The following SYNJ2 variants were observed in gnomAD, a reference collection of about 807,000 sequenced individuals.
The protein encoded by SYNJ2 is polyphosphatidylinositol phosphatase SYNJ2.
In SYNJ2, 116 loss-of-function variants were observed where a neutral mutation model predicts 141.3. That is an observed-to-expected ratio of 0.82 (90% confidence interval 0.71 to 0.96). The LOEUF is 0.96. Ranked by LOEUF, SYNJ2 falls within the 40% of genes least tolerant of loss-of-function variation. SYNJ2 has a pLI of 0.00. For missense variants in SYNJ2, 1,873 were observed against 1,934.8 expected (o/e 0.97, Z 0.60); for synonymous variants, 745 against 777.7 (o/e 0.96, Z 0.70).
chr6:158,030,429 T>C (rs910605861), intron 3 of SYNJ2: 6 of 152,818 alleles, frequency 3.9e-5, no homozygotes, highest in African/African-American at 7.2e-5. Flanking sequence ...GGTTTTCATC[T>C]GGCCTTGGTG....
intron 26 of SYNJ2, among the ~76,000 whole-genome samples, chr6:158,094,286 T>C (rs913940592): frequency 2.0e-5 from 3 of 150,600 alleles, no homozygotes; most frequent in Non-Finnish European, 2.9e-5. Context: ...CCATCGTAAG[T>C]TGAAAAATAG....
intron 9 of SYNJ2, 57 bp downstream of exon 9, chr6:158,063,929 G>A (rs1226189044): frequency 6.3e-7 from 1 of 1,579,384 alleles, no homozygotes; most frequent in Admixed American, 1.7e-5. Flanking sequence ...GACTTCAGCT[G>A]GACAGGCTGG....
At chr6:157,993,797 G>GTTTTTTTTTTT (rs61529071) in intron 1 of SYNJ2, among the ~76,000 whole-genome samples, 1 of 47,944 alleles carries the variant, frequency 2.1e-5, no homozygotes, top group Admixed American at 3.9e-4. Context: ...AAATGTGTGG[G>GTTTTTTTTTTT]TTTTTTTTTT....
Position 158,051,959 on chromosome 6 carries a change from GA to G in SYNJ2, c.796-2998del, listed in dbSNP as rs112721746. Among the ~76,000 whole-genome samples the G allele has an allele frequency of 8.3e-4, 112 of 134,674 alleles. 1 individual carries two copies. Among genetic ancestry groups the G allele is most frequent in the Admixed American group, 2.9e-3 (40 of 13,666 alleles). 88.4% of individuals were successfully genotyped at this position (134,674 alleles called of 152,430 possible). ...CAACAGAGTAAGACCCTGTCTCAAA[GA>G]AAAAAAAAAGAAGAAGAAGAATAAG... On this transcript the variant is annotated intron_variant, in intron 5 of 26. Coordinates refer to ENST00000355585, the MANE Select transcript of SYNJ2 (RefSeq NM_003898.4).
At chr6:158,059,850 C>T (rs779910298) in intron 7 of SYNJ2, among the ~76,000 whole-genome samples, 5 of 152,188 alleles carry the variant, frequency 3.3e-5, no homozygotes, top group Admixed American at 6.5e-5. Flanking sequence ...CCACCGCGCC[C>T]GGCCTAGTGA....
At chr6:158,061,871 T>G (rs1781241406) in intron 7 of SYNJ2, 121 bp from the exon 8 acceptor site, 2 of 1,018,692 alleles carry the variant, frequency 2.0e-6, no homozygotes, top group South Asian at 1.5e-5. Flanking sequence ...AGCTTCCAGC[T>G]AAAGCACGTC....
intron 6 of SYNJ2, among the ~76,000 whole-genome samples, chr6:158,056,526 C>T (rs1178517199): frequency 1.3e-5 from 2 of 152,218 alleles, no homozygotes; most frequent in Non-Finnish European, 2.9e-5. Flanking sequence ...TGCTGCTGCT[C>T]TCATGTTCAT....
intron 5 of SYNJ2, among the ~76,000 whole-genome samples, chr6:158,045,212 G>A (rs1410279402): frequency 3.4e-5 from 5 of 148,068 alleles, no homozygotes; most frequent in Admixed American, 6.9e-5. Context: ...AGTTCAAGCC[G>A]TTCCCCTGCC....
At chr6:158,073,576 A>T (rs1782075896) in intron 15 of SYNJ2, among the ~76,000 whole-genome samples, 1 of 152,204 alleles carries the variant, frequency 6.6e-6, no homozygotes, top group Non-Finnish European at 1.5e-5. Flanking sequence ...ATTAAAATTA[A>T]ATAACATTTA....
rs1780081414 is a variant in SYNJ2, at chr6:158,043,715, T to C, written c.795+316T>C. 6.6e-6 allele frequency among the ~76,000 whole-genome samples: 1 copy of C among 152,172 alleles called. No individual in the cohort carries two copies. The highest frequency in any genetic ancestry group is 1.5e-5 in the Non-Finnish European group (1 of 68,036). On this transcript the variant is annotated intron_variant, in intron 5 of 26. Coordinates refer to ENST00000355585, the MANE Select transcript of SYNJ2 (RefSeq NM_003898.4). This position sits in a 1 kb window ranked among gnomAD's most constrained non-coding sequence, Gnocchi z 4.0. ...GCCGCGAAGTGAGCTTGGGTAGCAC[T>C]GCCTGAGGTTAGACCCTGAGTTCGG... is the stretch of plus-strand genomic sequence containing the variant.
intron 8 of SYNJ2, among the ~76,000 whole-genome samples, chr6:158,063,573 C>T (rs1240833496): frequency 6.9e-6 from 1 of 145,968 alleles, no homozygotes; most frequent in African/African-American, 2.5e-5. Context: ...ACAGGAGAAT[C>T]GCTTGAACCT....
At chr6:157,981,407 T>A (rs117469922), upstream of SYNJ2, among the ~76,000 whole-genome samples, 309 of 152,332 alleles carry the variant, frequency 2.0e-3, no homozygotes, top group Non-Finnish European at 3.5e-3. This position sits in a 1 kb window ranked among gnomAD's most constrained non-coding sequence, Gnocchi z 6.4. Context: ...GGCGCAGTTA[T>A]GACCCCGCTT....
rs138862571 is a variant in SYNJ2, at chr6:158,095,980, G to A, written c.4107G>A (p.Gly1369=). ...ACAATAGCAGTGACAGCCCCTCTGG[G>A]CACCCACCTGCCGCGGGCACCGTCT... is the stretch of plus-strand genomic sequence containing the variant. ...LTYNSSDSPS[G]HPPAAGTVFP... The change falls in exon 27 of 27, where the codon GGG becomes GGA. Residue 1369 remains glycine (G), a synonymous_variant. Coordinates refer to ENST00000355585, the MANE Select transcript of SYNJ2 (RefSeq NM_003898.4). The A allele has an allele frequency of 1.5e-5, 24 of 1,613,998 alleles. No individual in the cohort carries two copies. The highest frequency in any genetic ancestry group is 2.2e-5 in the East Asian group (1 of 44,892).
At chr6:158,041,654 G>T (rs1331385896) in intron 4 of SYNJ2, among the ~76,000 whole-genome samples, 2 of 152,158 alleles carry the variant, frequency 1.3e-5, no homozygotes, top group Admixed American at 1.3e-4. Flanking sequence ...TAGCACTTGG[G>T]GCAGTCAGAG....
chr6:158,067,302 C>T (rs548342841), intron 12 of SYNJ2: 18 of 485,322 alleles, frequency 3.7e-5, no homozygotes, highest in Middle Eastern at 1.1e-3. Flanking sequence ...TACAGGCATG[C>T]GCCACCGCGC....
At chr6:158,063,713 C>T in intron 8 of SYNJ2, 78 bp from the exon 9 acceptor site, 2 of 627,720 alleles carry the variant, frequency 3.2e-6, no homozygotes, top group South Asian at 1.6e-5. Context: ...AGTCAAAAGT[C>T]AGACATGGGC....
chr6:157,981,902 G>T lies in SYNJ2; in HGVS notation c.-60G>T. The T allele has an allele frequency of 3.3e-6, 4 of 1,212,572 alleles. No homozygotes were observed. The highest frequency in any genetic ancestry group is 4.1e-6 in the Non-Finnish European group (4 of 972,880). 75.1% of individuals were successfully genotyped at this position (1,212,572 alleles called of 1,614,324 possible). On this transcript the variant is annotated 5_prime_UTR_variant, in exon 1 of 27. Coordinates refer to ENST00000355585, the MANE Select transcript of SYNJ2 (RefSeq NM_003898.4). The surrounding 1 kb of genome is among the most constrained non-coding windows in gnomAD (Gnocchi z 6.4). The stretch of plus-strand genomic sequence containing the variant: ...TTGCGGGCGCGCGGGGAGCTGTCGC[G>T]GGCAGCGCGCCCTCGGGAGGACGTG...
In SYNJ2 at chr6:158,065,205, T is replaced by A. The variant is rs903122545; in HGVS notation, c.1525+214T>A. On this transcript the variant is annotated intron_variant, in intron 11 of 26. Transcript: ENST00000355585. ...ACGCTTCCTCTGTCTCGGCTTGGAC[T>A]GTGTTTCCATCCTGAGAAGCGAGAG... Among the ~76,000 whole-genome samples, 2 of 152,204 alleles carry A rather than the reference T, an allele frequency of 1.3e-5. 1 individual carries two copies. The highest frequency in any genetic ancestry group is 4.1e-4 in the South Asian group (2 of 4,834).
In SYNJ2 at chr6:158,019,073, G is replaced by A. The variant is rs78244118; in HGVS notation, c.214+1783G>A. On this transcript the variant is annotated intron_variant, in intron 2 of 26. Coordinates refer to ENST00000355585, the MANE Select transcript of SYNJ2 (RefSeq NM_003898.4). The stretch of plus-strand genomic sequence containing the variant: ...CTTGCAGGTGTGGCAGGGATGCCGC[G>A]TTCCATCCATGCTGATGCCCTTTTT... 4.2e-3 allele frequency among the ~76,000 whole-genome samples: 646 copies of A among 152,356 alleles called. 11 individuals carry two copies. The East Asian group carries it at 0.047, about 11-fold the overall frequency.
Sources: gnomAD v4.1 joint callset for allele counts (sites outside exome capture counted in the v4.1 genomes callset) on GRCh38, gnomAD v4.1.1 for gene constraint, Gnocchi (gnomAD v3.1) non-coding constraint, MANE v1.5 for transcripts, NCBI Gene and HGNC (gene_info 2026-07-23, HGNC 2026-07-21) for gene names.